The following PTPRM variants were observed in gnomAD, a reference collection of about 807,000 sequenced individuals.
The protein encoded by PTPRM is protein tyrosine phosphatase receptor type M.
In PTPRM, 47 loss-of-function variants were observed where a neutral mutation model predicts 186.7. The observed-to-expected ratio is 0.25, with a 90% CI of 0.20 to 0.32. PTPRM has a LOEUF of 0.32. Among genes scored for constraint, PTPRM ranks in the 10% least tolerant of loss-of-function variants. PTPRM has a pLI of 1.00. For synonymous variants in PTPRM, 668 were observed against 674.9 expected (o/e 0.99, Z 0.16); for missense variants, 1,494 against 1,865.0 (o/e 0.80, Z 3.66).
chr18:8,044,845 A>G (rs1441689495), intron 7 of PTPRM, among the ~76,000 whole-genome samples: 1 of 152,122 alleles, frequency 6.6e-6, no homozygotes, highest in African/African-American at 2.4e-5. Context: ...ATAAAAAAAT[A>G]TGGAAAATAA....
At chr18:8,032,266 C>T (rs1399170046) in intron 7 of PTPRM, among the ~76,000 whole-genome samples, 1 of 152,100 alleles carries the variant, frequency 6.6e-6, no homozygotes, top group Non-Finnish European at 1.5e-5. Flanking sequence ...CCTCAGGTTC[C>T]TCATGTGTAA....
chr18:8,319,722 G>A (rs16953244), intron 22 of PTPRM, among the ~76,000 whole-genome samples: 8,235 of 152,282 alleles, frequency 0.054, 288 homozygotes, highest in East Asian at 0.092. Context: ...GAGCAGGAAG[G>A]GGTTGCTTTC....
rs777686664 is a variant in PTPRM at position 8,380,348 on chromosome 18, C to T, written c.3839C>T (p.Thr1280Ile). 5.8e-5 allele frequency: 94 copies of T among 1,613,936 alleles called. No individual in the cohort carries two copies. The highest frequency in any genetic ancestry group is 7.7e-5 in the Non-Finnish European group (91 of 1,179,900). ...GTCACCCAGCATCCTTTGCCAAACA[C>T]AGTGAAAGACTTTTGGAGACTGGTC... The part of the protein sequence containing the change: ...FIVTQHPLPN[T>I]VKDFWRLVLD... The change falls in exon 29 of 33, where the codon ACA becomes ATA. Residue 1280 changes from threonine to isoleucine, a missense_variant. By Grantham distance (89) the Thr-to-Ile change is moderately conservative. Coordinates refer to ENST00000580170, the MANE Select transcript of PTPRM (RefSeq NM_001105244.2).
At chr18:8,063,439 G>A (rs1161187666) in intron 7 of PTPRM, among the ~76,000 whole-genome samples, 2 of 152,214 alleles carry the variant, frequency 1.3e-5, no homozygotes, top group South Asian at 2.1e-4. Flanking sequence ...GCTGTAGACC[G>A]GAGCTGTTCC....
intron 7 of PTPRM, among the ~76,000 whole-genome samples, chr18:8,054,591 G>A (rs541203892): frequency 1.5e-4 from 23 of 151,878 alleles, no homozygotes; most frequent in African/African-American, 4.1e-4. Flanking sequence ...TCCCAGTGAT[G>A]GAAAGATCTT....
chr18:8,166,239 G>A (rs7240104), intron 14 of PTPRM, among the ~76,000 whole-genome samples: 7,972 of 152,144 alleles, frequency 0.052, 687 homozygotes, highest in African/African-American at 0.18. Flanking sequence ...CAACCTATGC[G>A]CTTTACGTCA....
At chr18:8,120,891 G>T (rs1293592946) in intron 13 of PTPRM, among the ~76,000 whole-genome samples, 1 of 152,106 alleles carries the variant, frequency 6.6e-6, no homozygotes, top group African/African-American at 2.4e-5. Context: ...AGTATTGGTT[G>T]GAGCAACAGT....
chr18:7,909,492 A>G (rs189423961), intron 4 of PTPRM, among the ~76,000 whole-genome samples: 204 of 152,270 alleles, frequency 1.3e-3, no homozygotes, highest in Non-Finnish European at 2.6e-3. Flanking sequence ...TTAATGGGGG[A>G]AGCATGCAAA....
intron 14 of PTPRM, among the ~76,000 whole-genome samples, chr18:8,172,196 G>A (rs1259784849): frequency 6.6e-6 from 1 of 152,022 alleles, no homozygotes; most frequent in Non-Finnish European, 1.5e-5. Flanking sequence ...CACAATTATG[G>A]CGGAAGGTGA....
chr18:7,984,590 T>C (rs1447633577), intron 7 of PTPRM, among the ~76,000 whole-genome samples: 64 of 123,906 alleles, frequency 5.2e-4, no homozygotes, highest in African/African-American at 1.8e-3. Flanking sequence ...TATATATATA[T>C]ATATATATAT....
intron 7 of PTPRM, among the ~76,000 whole-genome samples, chr18:8,006,304 A>G (rs2084181809): frequency 6.6e-6 from 1 of 152,246 alleles, no homozygotes; most frequent in South Asian, 2.1e-4. Flanking sequence ...CATTTTAAGA[A>G]TAATGGGCCT....
At chr18:8,009,100 G>A (rs186551126) in intron 7 of PTPRM, among the ~76,000 whole-genome samples, 2 of 152,250 alleles carry the variant, frequency 1.3e-5, no homozygotes, top group Admixed American at 6.5e-5. Context: ...TTAAGTAAGC[G>A]AGGAGGAGAG....
chr18:8,318,732 T>G (rs908286056), intron 21 of PTPRM, among the ~76,000 whole-genome samples: 5 of 152,248 alleles, frequency 3.3e-5, no homozygotes, highest in Non-Finnish European at 7.3e-5. Context: ...TTAGCAGTGT[T>G]TAAGAATGGT....
chr18:7,573,174 G>A (rs761520104), intron 1 of PTPRM, among the ~76,000 whole-genome samples: 6 of 152,178 alleles, frequency 3.9e-5, no homozygotes, highest in Non-Finnish European at 8.8e-5. Flanking sequence ...GTGTACTCAG[G>A]TGTGGGATGT....
At chr18:7,582,876 G>A (rs2036882635) in intron 1 of PTPRM, among the ~76,000 whole-genome samples, 1 of 152,144 alleles carries the variant, frequency 6.6e-6, no homozygotes, top group Admixed American at 6.5e-5. Flanking sequence ...GTGTCCCTGG[G>A]TGAGTTCTGA....
chr18:7,646,597 T>C (rs1022852356), intron 1 of PTPRM, among the ~76,000 whole-genome samples: 2 of 152,200 alleles, frequency 1.3e-5, no homozygotes, highest in Non-Finnish European at 2.9e-5. Context: ...TGTGTGATTT[T>C]TATTACCTGG....
At chr18:8,130,649 A>T (rs1396462139) in intron 13 of PTPRM, among the ~76,000 whole-genome samples, 1 of 152,128 alleles carries the variant, frequency 6.6e-6, no homozygotes, top group Admixed American at 6.6e-5. Context: ...CCTCAGGGGT[A>T]GACTCCAGAT....
At chr18:8,363,226 A>C (rs552616225) in intron 23 of PTPRM, among the ~76,000 whole-genome samples, 1 of 152,338 alleles carries the variant, frequency 6.6e-6, no homozygotes, top group African/African-American at 2.4e-5. Context: ...TTGTAAAATA[A>C]GGATAATAGT....
chr18:8,240,812 GAGAGAGAGAGAGAGAAAGAA>G (rs1568585049), intron 14 of PTPRM, among the ~76,000 whole-genome samples: 6 of 54,330 alleles, frequency 1.1e-4, no homozygotes, highest in African/African-American at 3.4e-4. Flanking sequence ...GAGAGAGAGA[GAGAGAGAGAGAGAGAAAGAA>G]AGAAAGAAAG....
Sources: gnomAD v4.1 joint callset for allele counts (sites outside exome capture counted in the v4.1 genomes callset) on GRCh38, gnomAD v4.1.1 for gene constraint, MANE v1.5 for transcripts, NCBI Gene and HGNC (gene_info 2026-07-23, HGNC 2026-07-21) for gene names.